Variants in MS4A4A observed in about 807,000 individuals in gnomAD.
MS4A4A encodes the protein membrane-spanning 4-domains subfamily A member 4A.
MS4A4A carries 26 observed loss-of-function variants against 28.0 expected under a neutral mutation model. The ratio of observed to expected loss-of-function variants is 0.93; its 90% CI spans 0.68 to 1.29. MS4A4A has a LOEUF of 1.29. Ranked by LOEUF, MS4A4A falls within the 50% of genes most tolerant of loss-of-function variation. The pLI, the probability that MS4A4A is intolerant of heterozygous loss-of-function variation, is 0.00. For missense variants in MS4A4A, 290 were observed against 293.1 expected, an observed-to-expected ratio of 0.99 and a Z score of 0.08; for synonymous variants, 86 against 100.8, an observed-to-expected ratio of 0.85 and a Z score of 0.88.
intron 2 of MS4A4A, among the ~76,000 whole-genome samples, chr11:60,294,703 C>CT (rs549856331): frequency 3.3e-5 from 5 of 151,130 alleles, no homozygotes; most frequent in Non-Finnish European, 7.4e-5. Flanking sequence ...TTTTAAAATA[C>CT]TTTTTTTTTC....
intron 2 of MS4A4A, chr11:60,296,927 C>T (rs1005694542): frequency 2.2e-5 from 8 of 371,286 alleles, no homozygotes; most frequent in Non-Finnish European, 3.0e-5. Context: ...GAAGTAACAT[C>T]GTAGGTATCA....
At chr11:60,294,892 A>ACTT (rs71036569) in intron 2 of MS4A4A, among the ~76,000 whole-genome samples, 4,062 of 130,734 alleles carry the variant, frequency 0.031, 109 homozygotes, top group African/African-American at 0.065. Flanking sequence ...TACAACTACT[A>ACTT]CTTCTTCTTC....
intron 1 of MS4A4A, among the ~76,000 whole-genome samples, chr11:60,287,015 T>G (rs1449234494): frequency 6.6e-6 from 1 of 152,200 alleles, no homozygotes. Flanking sequence ...TTTGAATTCT[T>G]TAACGTTTGT....
At chr11:60,287,107 G>A (rs935030430) in intron 1 of MS4A4A, among the ~76,000 whole-genome samples, 1 of 152,114 alleles carries the variant, frequency 6.6e-6, no homozygotes, top group Non-Finnish European at 1.5e-5. Context: ...CTATTTTAAG[G>A]TGACAATAAC....
intron 3 of MS4A4A, among the ~76,000 whole-genome samples, chr11:60,300,701 T>C (rs868130880): frequency 6.6e-6 from 1 of 151,700 alleles, no homozygotes; most frequent in South Asian, 2.1e-4. Flanking sequence ...TCAATTTTGG[T>C]ACCATGTAAG....
intron 3 of MS4A4A, among the ~76,000 whole-genome samples, chr11:60,298,942 C>A (rs923894177): frequency 2.0e-5 from 3 of 152,142 alleles, no homozygotes; most frequent in Non-Finnish European, 4.4e-5. Flanking sequence ...GTATAAGTAC[C>A]AATACCAAGA....
Position 60,292,400 on chromosome 11 carries a change from A to G in MS4A4A, c.201+16A>G. On this transcript the variant is annotated intron_variant, in intron 2 of 6. Transcript: ENST00000337908. Reference sequence around the variant, plus strand: ...AGTCCTTGGGGTAAGTTGCAAATCTAGGGGAAGACCAATGGTGTTGCAAAC... The same window carrying G: ...AGTCCTTGGGGTAAGTTGCAAATCTGGGGGAAGACCAATGGTGTTGCAAAC... 6.3e-7 allele frequency: 1 copy of G among 1,581,938 alleles called. No homozygotes were observed. The highest frequency in any genetic ancestry group is 1.2e-5 in the South Asian group (1 of 84,614).
chr11:60,303,885 C>T (rs1320495311), intron 5 of MS4A4A, among the ~76,000 whole-genome samples: 1 of 152,168 alleles, frequency 6.6e-6, no homozygotes, highest in Non-Finnish European at 1.5e-5. Flanking sequence ...GAATCAGTTG[C>T]ATTCTGTTTA....
At chr11:60,307,122 G>A (rs1165164896) in intron 6 of MS4A4A, among the ~76,000 whole-genome samples, 1 of 152,220 alleles carries the variant, frequency 6.6e-6, no homozygotes, top group Non-Finnish European at 1.5e-5. Flanking sequence ...CTACTCATTA[G>A]CTTCATTACC....
intron 2 of MS4A4A, among the ~76,000 whole-genome samples, chr11:60,294,663 A>C (rs1036760684): frequency 1.3e-5 from 2 of 151,992 alleles, no homozygotes; most frequent in Non-Finnish European, 2.9e-5. Context: ...TTTTATTCTT[A>C]CTTATGGATA....
chr11:60,296,241 T>A (rs1209630451), intron 2 of MS4A4A, among the ~76,000 whole-genome samples: 1 of 152,060 alleles, frequency 6.6e-6, no homozygotes, highest in East Asian at 1.9e-4. Flanking sequence ...ATCAAGGCTA[T>A]CAAACTGTGG....
chr11:60,308,231 C>A lies in MS4A4A; in HGVS notation c.*53C>A. 6.5e-7 allele frequency: 1 copy of A among 1,538,864 alleles called. No individual in the cohort carries two copies. The highest frequency in any genetic ancestry group is 9.0e-7 in the Non-Finnish European group (1 of 1,113,222). On this transcript the variant is annotated 3_prime_UTR_variant, in exon 7 of 7. Coordinates refer to ENST00000337908, the MANE Select transcript of MS4A4A (RefSeq NM_148975.3). ...CTCCAGAAATCTATGCTGACTGTGA[C>A]ACAAGAGCCTCACATGAGAAATTAC... is the stretch of plus-strand genomic sequence containing the variant.
chr11:60,295,340 T>A (rs12289439), intron 2 of MS4A4A, among the ~76,000 whole-genome samples: 5,485 of 152,214 alleles, frequency 0.036, 326 homozygotes, highest in African/African-American at 0.12. Context: ...ATTAATCTTG[T>A]ATAAATCTTG....
intron 6 of MS4A4A, among the ~76,000 whole-genome samples, chr11:60,306,658 G>A (rs1001228364): frequency 6.6e-6 from 1 of 152,188 alleles, no homozygotes; most frequent in East Asian, 1.9e-4. Flanking sequence ...CCACACTTGA[G>A]AGAAGGGAAT....
At chr11:60,301,949 T>C (rs1328411049) in intron 4 of MS4A4A, among the ~76,000 whole-genome samples, 1 of 152,120 alleles carries the variant, frequency 6.6e-6, no homozygotes, top group Non-Finnish European at 1.5e-5. Context: ...CCAGCTAATT[T>C]TTGTATTTTT....
intron 6 of MS4A4A, among the ~76,000 whole-genome samples, chr11:60,307,006 GA>G (rs1045761915): frequency 6.6e-6 from 1 of 152,156 alleles, no homozygotes; most frequent in Non-Finnish European, 1.5e-5. Context: ...GCAGGGAATG[GA>G]AGGAAAGAAG....
In MS4A4A at chr11:60,290,957, G is replaced by A. The variant is rs1398116279; in HGVS notation, c.42-1268G>A. Among the ~76,000 whole-genome samples, 3 of 151,916 alleles carry A rather than the reference G, an allele frequency of 2.0e-5. No individual in the cohort carries two copies. The East Asian group carries it at 5.8e-4, about 29-fold the overall frequency. ...AATAAAAGGGCACACATCTCAAAAC[G>A]AGACTTTTATAGGGGCTCAGTGGAG... On this transcript the variant is annotated intron_variant, in intron 1 of 6. Transcript: ENST00000337908.
Position 60,302,582 on chromosome 11 carries a change from T to C in MS4A4A, c.411T>C (p.Asn137=), listed in dbSNP as rs1227259482. 1 of 1,614,050 alleles carries C rather than the reference T, an allele frequency of 6.2e-7. No individual in the cohort carries two copies. The highest frequency in any genetic ancestry group is 2.2e-5 in the East Asian group (1 of 44,874). Reference sequence around the variant, plus strand: ...AGGTCCGAGGTAGTCTAGGAATGAATATCACCAGCTCTGTACTGGCTGCAT... The same window carrying C: ...AGGTCCGAGGTAGTCTAGGAATGAACATCACCAGCTCTGTACTGGCTGCAT... The part of the protein sequence containing the change: ...KGLVRGSLGM[N]ITSSVLAASG... Residue 137 remains asparagine (N), a synonymous_variant, in exon 5 of 7, where the codon AAT becomes AAC. Coordinates refer to ENST00000337908, the MANE Select transcript of MS4A4A (RefSeq NM_148975.3).
chr11:60,282,092 C>G (rs1234991197), intron 1 of MS4A4A, among the ~76,000 whole-genome samples: 2 of 152,122 alleles, frequency 1.3e-5, no homozygotes, highest in African/African-American at 4.8e-5. Flanking sequence ...TGACAAAGCA[C>G]CAGCCTTGAA....
Sources: allele counts gnomAD v4.1 joint callset (sites outside exome capture counted in the v4.1 genomes callset), GRCh38; gene constraint gnomAD v4.1.1; transcripts MANE v1.5; gene names NCBI Gene and HGNC (gene_info 2026-07-23, HGNC 2026-07-21).